Variants in GPAT4 observed in about 807,000 individuals in gnomAD.
The protein encoded by GPAT4 is glycerol-3-phosphate acyltransferase 4.
A neutral mutation model predicts 58.0 loss-of-function variants in GPAT4; 17 were observed. The observed-to-expected ratio is 0.29, with a 90% confidence interval of 0.20 to 0.44. GPAT4 has a LOEUF of 0.44. Among genes scored for constraint, GPAT4 ranks in the 20% least tolerant of loss-of-function variants. The pLI is 1.00. For synonymous variants in GPAT4, 204 were observed against 210.1 expected (o/e 0.97, Z 0.25); for missense variants, 377 against 574.5 (o/e 0.66, Z 3.51).
chr8:41,580,889 A>G (rs1336150542), intron 1 of GPAT4, among the ~76,000 whole-genome samples: 1 of 152,202 alleles, frequency 6.6e-6, no homozygotes, highest in Admixed American at 6.5e-5. Flanking sequence ...GGCTAGCCTA[A>G]CTTGCTAAGT....
At chr8:41,618,653 T>A in intron 10 of GPAT4, 31 bp from the exon 11 acceptor site, 1 of 1,612,810 alleles carries the variant, frequency 6.2e-7, no homozygotes, top group Non-Finnish European at 8.5e-7. Flanking sequence ...GAACTACTCA[T>A]GTCTTACCTC....
chr8:41,620,613 A>C (rs1803720650), intron 12 of GPAT4, among the ~76,000 whole-genome samples: 1 of 152,204 alleles, frequency 6.6e-6, no homozygotes, highest in African/African-American at 2.4e-5. Flanking sequence ...AGTAGAAAGA[A>C]TTGTAAACTC....
chr8:41,612,382 G>A (rs770171360), intron 7 of GPAT4, 109 bp downstream of exon 7: 36 of 1,068,568 alleles, frequency 3.4e-5, no homozygotes, highest in Non-Finnish European at 5.0e-5. Flanking sequence ...CGTGGGCCAG[G>A]CCCCCACCTT....
intron 2 of GPAT4, among the ~76,000 whole-genome samples, chr8:41,600,495 A>G (rs920797351): frequency 2.0e-5 from 3 of 152,114 alleles, no homozygotes; most frequent in Non-Finnish European, 4.4e-5. Flanking sequence ...GCTATGTGAA[A>G]TGTTACATTA....
At chr8:41,611,707 G>T (rs562914031) in intron 5 of GPAT4, among the ~76,000 whole-genome samples, 196 bp from the exon 6 acceptor site, 1 of 152,290 alleles carries the variant, frequency 6.6e-6, no homozygotes, top group Admixed American at 6.5e-5. Flanking sequence ...GGATGTAAGT[G>T]AGTCTCCCTG....
chr8:41,619,193 C>A, intron 12 of GPAT4: 1 of 606,498 alleles, frequency 1.6e-6, no homozygotes, highest in South Asian at 2.0e-5. Flanking sequence ...GCAGTTGATT[C>A]TGTGTACCTT....
intron 10 of GPAT4, among the ~76,000 whole-genome samples, chr8:41,616,892 T>C (rs962918453): frequency 2.6e-5 from 4 of 152,224 alleles, no homozygotes; most frequent in African/African-American, 9.6e-5. Flanking sequence ...GCTCTTCTTA[T>C]ATTTCCACCG....
At chr8:41,591,479 CACTT>C (rs556761487) in intron 1 of GPAT4, among the ~76,000 whole-genome samples, 81 of 152,310 alleles carry the variant, frequency 5.3e-4, no homozygotes, top group African/African-American at 1.9e-3. Flanking sequence ...TGGGAGTTCT[CACTT>C]TCTTCTTCAC....
intron 1 of GPAT4, among the ~76,000 whole-genome samples, chr8:41,588,899 G>C (rs1358803222): frequency 2.6e-5 from 4 of 152,180 alleles, no homozygotes; most frequent in African/African-American, 9.7e-5. Flanking sequence ...TTTGGCCTGT[G>C]GGGGAACGTT....
At chr8:41,594,730 A>G (rs1436667659) in intron 1 of GPAT4, among the ~76,000 whole-genome samples, 5 of 152,022 alleles carry the variant, frequency 3.3e-5, no homozygotes, top group African/African-American at 7.2e-5. Context: ...TATTTTTAGT[A>G]GAGACGGGGT....
chr8:41,597,990 A>G (rs1397834793), intron 1 of GPAT4, among the ~76,000 whole-genome samples: 2 of 152,246 alleles, frequency 1.3e-5, no homozygotes, highest in African/African-American at 4.8e-5. Flanking sequence ...TGTACTTTCC[A>G]TAGCACACGC....
At chr8:41,600,054 T>TTTTTTTTTTGTTTTTG (rs1554502471) in intron 2 of GPAT4, among the ~76,000 whole-genome samples, 1 of 144,958 alleles carries the variant, frequency 6.9e-6, no homozygotes, top group African/African-American at 2.6e-5. Flanking sequence ...TTTTTTTTTT[T>TTTTTTTTTTGTTTTTG]CGAGACAAGA....
intron 2 of GPAT4, among the ~76,000 whole-genome samples, chr8:41,606,690 C>T (rs1306902242): frequency 6.6e-6 from 1 of 152,124 alleles, no homozygotes; most frequent in Admixed American, 6.5e-5. Context: ...GGGCTCCGAG[C>T]ATGGCCAAAA....
At chr8:41,610,024 C>A in intron 4 of GPAT4, 69 bp downstream of exon 4, 1 of 1,531,522 alleles carries the variant, frequency 6.5e-7, no homozygotes, top group Non-Finnish European at 8.8e-7. Context: ...CACCTGCCTG[C>A]TCTGCTGTGT....
Position 41,598,990 on chromosome 8 carries a change from G to T in GPAT4, c.-150G>T, listed in dbSNP as rs1179967592. The T allele has an allele frequency of 9.9e-7, 1 of 1,010,542 alleles. No homozygotes were observed. Among genetic ancestry groups the T allele is most frequent in the Non-Finnish European group, 1.4e-6 (1 of 697,870 alleles). The allele number at this position is 1,010,542 out of a possible 1,614,324, so 62.6% of individuals were successfully genotyped here. A position where few individuals can be genotyped will look rare whatever the true frequency, so the allele number is the denominator to read the frequency against. On this transcript the variant is annotated 5_prime_UTR_variant, in exon 2 of 13. The change creates a new upstream start codon in the 5' untranslated region. Transcript: ENST00000396987. ...ATTCTGTTCCCAGGCCTTCTATTCA[G>T]GCGGTTGAAGGGTGTGGACTTTGGA... is the stretch of plus-strand genomic sequence containing the variant.
Position 41,609,643 on chromosome 8 carries a change from A to G in GPAT4, c.236-12A>G, listed in dbSNP as rs575314976. The G allele has an allele frequency of 1.9e-6, 3 of 1,609,316 alleles. No homozygotes were observed. The highest frequency in any genetic ancestry group is 1.3e-5 in the African/African-American group (1 of 74,926). ...CCAGCGTGCTGCTTGACAGGGACAC[A>G]TTCTTTTGCAGGAATCATTGCAAAG... is the stretch of plus-strand genomic sequence containing the variant. On this transcript the variant is annotated splice_polypyrimidine_tract_variant and intron_variant, in intron 3 of 12. Transcript: ENST00000396987.
chr8:41,620,676 C>T (rs932498692), intron 12 of GPAT4, among the ~76,000 whole-genome samples: 3 of 152,156 alleles, frequency 2.0e-5, no homozygotes, highest in Admixed American at 1.3e-4. Flanking sequence ...AGTAAATTCT[C>T]ACCCAAGGGC....
chr8:41,619,448 A>G, intron 12 of GPAT4: 1 of 180,442 alleles, frequency 5.5e-6, no homozygotes, highest in Non-Finnish European at 1.2e-5. Flanking sequence ...TTTGCAGGCC[A>G]TATGGTGTCT....
chr8:41,585,139 C>T (rs1031261024), intron 1 of GPAT4, among the ~76,000 whole-genome samples: 1 of 152,196 alleles, frequency 6.6e-6, no homozygotes, highest in Non-Finnish European at 1.5e-5. Flanking sequence ...AGTCCCGATA[C>T]ACTCGACGTT....
Sources: gnomAD v4.1 joint callset for allele counts (sites outside exome capture counted in the v4.1 genomes callset) on GRCh38, gnomAD v4.1.1 for gene constraint, MANE v1.5 for transcripts, NCBI Gene and HGNC (gene_info 2026-07-23, HGNC 2026-07-21) for gene names.